ACSL1: variants seen among roughly 807,000 people sequenced by gnomAD.
The protein encoded by ACSL1 is long-chain-fatty-acid--CoA ligase 1.
In ACSL1, 41 loss-of-function variants were observed where a neutral mutation model predicts 98.4. The observed-to-expected ratio is 0.42, with a 90% CI of 0.32 to 0.54. ACSL1 has a LOEUF of 0.54. Ranked by LOEUF, ACSL1 falls within the 20% of genes least tolerant of loss-of-function variation. The probability of loss-of-function intolerance (pLI) is 0.13; values close to 1 mark genes in which losing one functional copy is unlikely to be tolerated. For synonymous variants in ACSL1, 316 were observed against 322.7 expected, an observed-to-expected ratio of 0.98 and a Z score of 0.22; for missense variants, 734 against 883.1, an observed-to-expected ratio of 0.83 and a Z score of 2.14.
rs529474629 is a variant in ACSL1 at position 184,776,382 on chromosome 4, G to A, written c.756+102C>T. On this transcript the variant is annotated intron_variant, in intron 7 of 20. Transcript: ENST00000281455. ...TGGGTTGCGGAGGCAACCGGCCAGC[G>A]CTGGGACTGCACCATAGCACTAGAT... 104 of 1,346,368 alleles carry A rather than the reference G, an allele frequency of 7.7e-5. No homozygotes were observed. The African/African-American group carries it at 1.1e-3, about 14-fold the overall frequency. The allele number at this position is 1,346,368 out of a possible 1,614,324, so 83.4% of individuals were successfully genotyped here. A position where few individuals can be genotyped will look rare whatever the true frequency, so the allele number is the denominator to read the frequency against.
intron 5 of ACSL1, among the ~76,000 whole-genome samples, chr4:184,779,350 G>A (rs1765836917): frequency 6.6e-6 from 1 of 152,180 alleles, no homozygotes; most frequent in Admixed American, 6.5e-5. Flanking sequence ...CACCATGTAA[G>A]AAGTGCCTTT....
chr4:184,817,171 T>C (rs915825102), intron 1 of ACSL1, among the ~76,000 whole-genome samples: 36 of 152,156 alleles, frequency 2.4e-4, no homozygotes, highest in African/African-American at 8.2e-4. Context: ...CAGAGAGCAG[T>C]TTCTATTCCC....
At position 184,825,699 on chromosome 4, in the gene ACSL1, C is replaced by CG. The variant is rs1401776633; in HGVS notation, c.-33+216dup. 6.7e-6 allele frequency among the ~76,000 whole-genome samples: 1 copy of CG among 149,804 alleles called. No homozygotes were observed. The highest frequency in any genetic ancestry group is 1.5e-5 in the Non-Finnish European group (1 of 67,022). ...TCAGACACAGGAAGCTGCGGCAGCA[C>CG]GGGCACCCCGGAGGCCTCCGGCTGC... On this transcript the variant is annotated intron_variant, in intron 1 of 20. Transcript: ENST00000281455. The surrounding 1 kb of genome is among the most constrained non-coding windows in gnomAD (Gnocchi z 4.7).
At position 184,766,585 on chromosome 4, in the gene ACSL1, G is replaced by T. The variant is rs775722898; in HGVS notation, c.1263+37C>A. ...CCCAGAACTCTGAAAAGCGAAGTCG[G>T]TTTCCATGGGAGCAGTGGCTGTGAG... On this transcript the variant is annotated intron_variant, in intron 13 of 20. Transcript: ENST00000281455. The surrounding 1 kb of genome is among the most constrained non-coding windows in gnomAD (Gnocchi z 4.8). 16 of 1,594,696 alleles carry T rather than the reference G, an allele frequency of 1.0e-5. No individual in the cohort carries two copies. Among genetic ancestry groups the T allele is most frequent in the Non-Finnish European group, 1.4e-5 (16 of 1,165,544 alleles).
intron 1 of ACSL1, chr4:184,813,816 G>A (rs1488474030): frequency 4.4e-6 from 2 of 455,970 alleles, no homozygotes; most frequent in African/African-American, 4.0e-5. Context: ...ACAGTAGCCA[G>A]AGCTGGCCCC....
chr4:184,783,965 T>G lies in ACSL1; in HGVS notation c.337A>C (p.Lys113Gln). 6.2e-7 allele frequency: 1 copy of G among 1,613,946 alleles called. No individual in the cohort carries two copies. The highest frequency in any genetic ancestry group is 8.5e-7 in the Non-Finnish European group (1 of 1,179,910). Residue 113 changes from lysine to glutamine, a missense_variant, in exon 4 of 21, where the codon AAA becomes CAA. By Grantham distance (53) the Lys-to-Gln change is moderately conservative. Coordinates refer to ENST00000281455, the MANE Select transcript of ACSL1 (RefSeq NM_001995.5). ...AGCCATTCATAGGGTTGGTCTGGTT[T>G]CCGAGAGCCTAAACAAGGGCCATTA... ...SNNGPCLGSR[K>Q]PDQPYEWLSY...
At chr4:184,800,112 G>C (rs138893734) in intron 2 of ACSL1, among the ~76,000 whole-genome samples, 45 of 152,236 alleles carry the variant, frequency 3.0e-4, no homozygotes, top group African/African-American at 1.1e-3. Context: ...AAAAGACAAA[G>C]GGAAAAAAGT....
chr4:184,786,426 A>ACG (rs1579902616), intron 3 of ACSL1, among the ~76,000 whole-genome samples: 1 of 128,636 alleles, frequency 7.8e-6, no homozygotes, highest in East Asian at 2.0e-4. Flanking sequence ...AAGCACACAC[A>ACG]CACACACACA....
At chr4:184,774,909 C>T (rs1765056762) in intron 7 of ACSL1, among the ~76,000 whole-genome samples, 1 of 152,170 alleles carries the variant, frequency 6.6e-6, no homozygotes, top group African/African-American at 2.4e-5. Context: ...TAATTCTGTA[C>T]ATTTTTTTCA....
chr4:184,758,813 G>A (rs939539167), intron 18 of ACSL1: 5 of 151,368 alleles, frequency 3.3e-5, no homozygotes, highest in Non-Finnish European at 4.4e-5. Flanking sequence ...TGTGCACAAC[G>A]TGCAGGTTAG....
chr4:184,805,499 G>A, intron 1 of ACSL1: 2 of 985,418 alleles, frequency 2.0e-6, no homozygotes, highest in Non-Finnish European at 2.4e-6. Flanking sequence ...CTGGAAAGAA[G>A]GCACCAGCAC....
At position 184,818,556 on chromosome 4, in the gene ACSL1, C is replaced by T. The variant is rs150583049; in HGVS notation, c.-33+7360G>A. 2.1e-4 allele frequency among the ~76,000 whole-genome samples: 32 copies of T among 152,264 alleles called. No individual in the cohort carries two copies. In the East Asian group the frequency reaches 5.2e-3, roughly 25 times the overall value. On this transcript the variant is annotated intron_variant, in intron 1 of 20. Transcript: ENST00000281455. ...AATGTATATTCTTGTTAGGGACCAC[C>T]TTCTATGGGACATCTGACCATCGGA...
At chr4:184,759,251 C>T (rs1243812180) in intron 18 of ACSL1, among the ~76,000 whole-genome samples, 1 of 152,146 alleles carries the variant, frequency 6.6e-6, no homozygotes, top group Non-Finnish European at 1.5e-5. Context: ...TTATAAATCT[C>T]TTGGGTATAT....
At chr4:184,808,488 C>T in intron 1 of ACSL1, 1 of 985,444 alleles carries the variant, frequency 1.0e-6, no homozygotes, top group East Asian at 1.1e-4. Context: ...TTAAGAAAGC[C>T]TGACATCTTT....
At chr4:184,777,611 A>G (rs1001562577) in intron 5 of ACSL1, among the ~76,000 whole-genome samples, 4 of 152,112 alleles carry the variant, frequency 2.6e-5, no homozygotes, top group Admixed American at 6.6e-5. Context: ...AGAGAGAAAG[A>G]AAGATAAATT....
At chr4:184,792,801 A>T (rs570588798) in intron 2 of ACSL1, among the ~76,000 whole-genome samples, 1 of 152,212 alleles carries the variant, frequency 6.6e-6, no homozygotes, top group African/African-American at 2.4e-5. Context: ...AACCTTAGTT[A>T]TATCTACACA....
rs780143513 is a variant in ACSL1, at chr4:184,757,157, T to C, written c.2065A>G (p.Ile689Val). ...TTGATAGTGGAATAGAGGTCATCTA[T>C]CTGCGACCTGAAATAGTTCCGCAGC... ...PELRNYFRSQIDDLYSTIKV is the reference protein window; with the variant it reads ...PELRNYFRSQVDDLYSTIKV Residue 689 changes from isoleucine to valine, a missense_variant, in exon 21 of 21, where the codon ATA (isoleucine) becomes GTA (valine). Ile to Val is a conservative substitution (Grantham distance 29). Transcript: ENST00000281455. This position sits in a 1 kb window ranked among gnomAD's most constrained non-coding sequence, Gnocchi z 4.5. 1.1e-5 allele frequency: 17 copies of C among 1,607,044 alleles called. No homozygotes were observed. The highest frequency in any genetic ancestry group is 3.3e-4 in the Middle Eastern group (2 of 6,062).
At chr4:184,789,612 C>T (rs1450758329) in intron 2 of ACSL1, among the ~76,000 whole-genome samples, 6 of 152,220 alleles carry the variant, frequency 3.9e-5, no homozygotes, top group African/African-American at 4.8e-5. Flanking sequence ...GATTTGACAT[C>T]GCTGTGCACC....
At chr4:184,769,634 G>C (rs541110312) in intron 11 of ACSL1, among the ~76,000 whole-genome samples, 12 of 152,282 alleles carry the variant, frequency 7.9e-5, no homozygotes, top group Admixed American at 2.6e-4. Context: ...AATCGCCTTC[G>C]ATCCTTTGGG....
Sources: gnomAD v4.1 joint callset for allele counts (sites outside exome capture counted in the v4.1 genomes callset) on GRCh38, gnomAD v4.1.1 for gene constraint, Gnocchi (gnomAD v3.1) non-coding constraint, MANE v1.5 for transcripts, NCBI Gene and HGNC (gene_info 2026-07-23, HGNC 2026-07-21) for gene names.